Variants in DOP1A observed in about 807,000 individuals in gnomAD.
DOP1A encodes DOP1 leucine zipper like protein A.
A neutral mutation model predicts 267.6 loss-of-function variants in DOP1A; 90 were observed. The ratio of observed to expected loss-of-function variants is 0.34; its 90% CI spans 0.28 to 0.40. DOP1A has a LOEUF of 0.40. Ranked by LOEUF, DOP1A falls within the 10% of genes least tolerant of loss-of-function variation. DOP1A has a pLI of 1.00. For missense variants in DOP1A, 2,437 were observed against 2,900.4 expected (o/e 0.84, Z 3.67); for synonymous variants, 932 against 999.1 (o/e 0.93, Z 1.27).
At position 83,129,029 on chromosome 6, in the gene DOP1A, G is replaced by C. The variant is rs768175685; in HGVS notation, c.1862G>C (p.Ser621Thr). 1 of 1,613,760 alleles carries C rather than the reference G, an allele frequency of 6.2e-7. No individual in the cohort carries two copies. Among genetic ancestry groups the C allele is most frequent in the South Asian group, 1.1e-5 (1 of 91,052 alleles). The change falls in exon 16 of 39, where the codon AGT becomes ACT. Residue 621 changes from serine (S) to threonine (T), a missense_variant. This residue lies in a region of DOP1A where 498 missense variants were observed against 513.5 expected (regional missense o/e 0.97). Coordinates refer to ENST00000349129, the MANE Select transcript of DOP1A (RefSeq NM_015018.4). ...ACTGATGATATTGACAGAGAACTGA[G>C]TGAGGGCCAGGGGGCAGCTGCCATC... ...DRTDDIDREL[S>T]EGQGAAAIPI... is the part of the protein sequence containing the mutation.
rs1583165344 is a variant in DOP1A, at chr6:83,157,058, G to T, written c.6605-124G>T. The T allele has an allele frequency of 3.4e-6, 3 of 877,580 alleles. No individual in the cohort carries two copies. In the East Asian group the frequency reaches 8.4e-5, roughly 24 times the overall value. 54.4% of individuals were successfully genotyped at this position (877,580 alleles called of 1,614,324 possible). A position where few individuals can be genotyped will look rare whatever the true frequency, so the allele number is the denominator to read the frequency against. ...TTGTTTTATGAAAATATCTACAACA[G>T]TTTTGAATTTTTTTAAAGTTTATCC... On this transcript the variant is annotated intron_variant, in intron 34 of 38. Coordinates refer to ENST00000349129, the MANE Select transcript of DOP1A (RefSeq NM_015018.4).
At chr6:83,160,412 T>C (rs1783959027) in intron 37 of DOP1A, among the ~76,000 whole-genome samples, 1 of 152,188 alleles carries the variant, frequency 6.6e-6, no homozygotes, top group Non-Finnish European at 1.5e-5. Context: ...GTGGAGAGAT[T>C]GGTATTGCTG....
At chr6:83,165,980 T>G (rs1785414828) in intron 38 of DOP1A, 1 of 332,488 alleles carries the variant, frequency 3.0e-6, no homozygotes, top group Non-Finnish European at 5.8e-6. Context: ...TTGGAGCAAG[T>G]TTGGCTTTGG....
chr6:83,119,927 G>C, intron 9 of DOP1A, 70 bp downstream of exon 9: 17 of 1,250,884 alleles, frequency 1.4e-5, no homozygotes, highest in Non-Finnish European at 1.5e-5. Flanking sequence ...TGTAAGACGA[G>C]GTCTTGCCTT....
intron 25 of DOP1A, among the ~76,000 whole-genome samples, chr6:83,146,117 T>C (rs1300265319): frequency 2.0e-5 from 3 of 152,246 alleles, no homozygotes; most frequent in Non-Finnish European, 4.4e-5. Context: ...TGTATAATAC[T>C]GTGCTATGCA....
At chr6:83,129,556 G>T in intron 16 of DOP1A, 48 bp downstream of exon 16, 2 of 1,381,594 alleles carry the variant, frequency 1.4e-6, no homozygotes, top group Non-Finnish European at 1.9e-6. Context: ...TCTGTAGTAT[G>T]TTTTTTCTTT....
intron 18 of DOP1A, among the ~76,000 whole-genome samples, chr6:83,133,358 A>T (rs907823964): frequency 1.3e-5 from 2 of 152,114 alleles, no homozygotes; most frequent in African/African-American, 4.8e-5. Flanking sequence ...TTTACTACTT[A>T]ATTTTTACAT....
chr6:83,150,470 CAAA>C (rs947567876), intron 27 of DOP1A, among the ~76,000 whole-genome samples: 6 of 152,192 alleles, frequency 3.9e-5, no homozygotes, highest in African/African-American at 1.4e-4. Flanking sequence ...AATGTTAAAA[CAAA>C]AAGTTGAAAG....
intron 1 of DOP1A, among the ~76,000 whole-genome samples, chr6:83,071,707 AT>A (rs1433504068): frequency 2.0e-5 from 3 of 152,360 alleles, no homozygotes; most frequent in African/African-American, 7.2e-5. Context: ...ACCTTAAAAA[AT>A]ATAGTAAAAA....
intron 16 of DOP1A, among the ~76,000 whole-genome samples, chr6:83,129,804 T>C (rs1777743504): frequency 1.3e-5 from 2 of 152,194 alleles, no homozygotes; most frequent in South Asian, 2.1e-4. Flanking sequence ...CAGTAACATA[T>C]GTATTTACCT....
chr6:83,086,320 GA>G (rs969681797), intron 1 of DOP1A, among the ~76,000 whole-genome samples: 4 of 152,256 alleles, frequency 2.6e-5, no homozygotes, highest in Non-Finnish European at 5.9e-5. Flanking sequence ...AAAACCATAA[GA>G]GAAAATATAT....
intron 1 of DOP1A, among the ~76,000 whole-genome samples, chr6:83,077,940 GT>G (rs1343370413): frequency 1.3e-5 from 2 of 152,142 alleles, no homozygotes; most frequent in Non-Finnish European, 2.9e-5. Flanking sequence ...ATTCAAAACT[GT>G]TCTGGGCTGT....
At chr6:83,101,587 T>G (rs1056258775) in intron 4 of DOP1A, among the ~76,000 whole-genome samples, 13 of 152,276 alleles carry the variant, frequency 8.5e-5, no homozygotes, top group Non-Finnish European at 1.6e-4. Flanking sequence ...CATTTTCCTG[T>G]TCAGTTACTC....
In DOP1A at chr6:83,155,164, A is replaced by G. The variant is rs531496067; in HGVS notation, c.6452-787A>G. ...TCAAAATATTCCAGGAATAGGGAACAAGAATTACAAAGGTTGGCTGGGTGC... is the reference window on the plus strand; with the variant it reads ...TCAAAATATTCCAGGAATAGGGAACGAGAATTACAAAGGTTGGCTGGGTGC... On this transcript the variant is annotated intron_variant, in intron 33 of 38. Transcript: ENST00000349129. Among the ~76,000 whole-genome samples the G allele has an allele frequency of 4.0e-4, 61 of 152,244 alleles. 1 individual carries two copies. In the Middle Eastern group the frequency reaches 0.01, roughly 25 times the overall value.
intron 4 of DOP1A, among the ~76,000 whole-genome samples, chr6:83,107,317 GA>G (rs1297845030): frequency 6.6e-6 from 1 of 152,036 alleles, no homozygotes. Context: ...GGGCACATGG[GA>G]AAAAAGGTAG....
chr6:83,097,045 A>G lies in DOP1A; in HGVS notation c.68A>G (p.Lys23Arg). 6.2e-7 allele frequency: 1 copy of G among 1,614,088 alleles called. No homozygotes were observed. Among genetic ancestry groups the G allele is most frequent in the Non-Finnish European group, 8.5e-7 (1 of 1,179,980 alleles). The change falls in exon 3 of 39, where the codon AAA becomes AGA. Residue 23 changes from lysine to arginine, a missense_variant. By Grantham distance (26) the Lys-to-Arg change is conservative (BLOSUM62 2). This residue lies in a region of DOP1A where 251 missense variants were observed against 359.1 expected (regional missense o/e 0.70). Coordinates refer to ENST00000349129, the MANE Select transcript of DOP1A (RefSeq NM_015018.4). The part of the protein sequence containing the change: ...KYRNYVAAID[K>R]ALKNFEYSSE... ...AGAAACTATGTAGCAGCAATTGACA[A>G]AGCACTAAAGAATTTTGAATACTCC...
intron 1 of DOP1A, among the ~76,000 whole-genome samples, chr6:83,092,400 A>G (rs1248018809): frequency 1.3e-5 from 2 of 152,190 alleles, no homozygotes; most frequent in Non-Finnish European, 2.9e-5. Flanking sequence ...AAATCCTTAT[A>G]TAAAACAAAA....
At chr6:83,167,664 G>A (rs1786102447) in intron 38 of DOP1A, 198 bp from the exon 39 acceptor site, 1 of 1,354,222 alleles carries the variant, frequency 7.4e-7, no homozygotes, top group Admixed American at 3.4e-5. Context: ...TACAATGTTA[G>A]ACTGCTCCAT....
chr6:83,170,522 T>C (rs1330261172), downstream of DOP1A: 1 of 1,495,780 alleles, frequency 6.7e-7, no homozygotes, highest in African/African-American at 1.4e-5. Context: ...TACACTTCCT[T>C]TCAGAAGCTT....
Sources: gnomAD v4.1 joint callset for allele counts (sites outside exome capture counted in the v4.1 genomes callset) on GRCh38, gnomAD v4.1.1 for gene constraint, gnomAD v4.1.1 regional missense constraint, MANE v1.5 for transcripts, NCBI Gene and HGNC (gene_info 2026-07-23, HGNC 2026-07-21) for gene names.